SBNO2: variants seen among roughly 807,000 people sequenced by gnomAD.
SBNO2 encodes protein strawberry notch homolog 2.
Under a neutral mutation model 146.3 loss-of-function variants are expected in SBNO2, and 89 were observed. The ratio of observed to expected loss-of-function variants is 0.61; its 90% CI spans 0.51 to 0.73. SBNO2 has a LOEUF of 0.73. Among genes scored for constraint, SBNO2 ranks in the 30% least tolerant of loss-of-function variants. The pLI is 0.00. For synonymous variants in SBNO2, 1,147 were observed against 892.6 expected, an observed-to-expected ratio of 1.29 and a Z score of -5.08; for missense variants, 2,092 against 2,003.7, an observed-to-expected ratio of 1.04 and a Z score of -0.84.
At position 1,126,473 on chromosome 19, in the gene SBNO2, T is replaced by A. The variant is rs2079966831; in HGVS notation, c.441+1131A>T. Among the ~76,000 whole-genome samples the A allele has an allele frequency of 6.6e-6, 1 of 152,048 alleles. No homozygotes were observed. Among genetic ancestry groups the A allele is most frequent in the Non-Finnish European group, 1.5e-5 (1 of 67,996 alleles). ...AGCTGGGAGGGCACGGGCCCCGGGC[T>A]GGGTGAAATGCTCTGCTGGGCCCTT... On this transcript the variant is annotated intron_variant, in intron 5 of 31. Transcript: ENST00000361757. The surrounding 1 kb of genome is among the most constrained non-coding windows in gnomAD (Gnocchi z 4.4).
chr19:1,128,065 T>A (rs1684182805), intron 4 of SBNO2: 1 of 526,550 alleles, frequency 1.9e-6, no homozygotes. Flanking sequence ...ATCTGCCTGC[T>A]TCGGCATCCA....
At chr19:1,159,723 C>T (rs1218833183) in intron 1 of SBNO2, among the ~76,000 whole-genome samples, 1 of 92,596 alleles carries the variant, frequency 1.1e-5, no homozygotes, top group Non-Finnish European at 2.1e-5. Context: ...GGGGGGACAG[C>T]AAGGGACGGG....
intron 3 of SBNO2, among the ~76,000 whole-genome samples, chr19:1,147,910 G>A (rs2080209431): frequency 6.6e-6 from 1 of 152,136 alleles, no homozygotes; most frequent in South Asian, 2.1e-4. Flanking sequence ...CCCTGAGGAT[G>A]GCAAAGGACA....
Position 1,158,487 on chromosome 19 carries a change from C to T in SBNO2, c.-126-4085G>A, listed in dbSNP as rs2080313329. On this transcript the variant is annotated intron_variant, in intron 1 of 31. Coordinates refer to ENST00000361757, the MANE Select transcript of SBNO2 (RefSeq NM_014963.3). The surrounding 1 kb of genome is among the most constrained non-coding windows in gnomAD (Gnocchi z 9.9). ...AAGACACTGGCCGCAGAGCCATAACCGAGACCACGGGAGGACCCAGGGCGC... is the reference window on the plus strand; with the variant it reads ...AAGACACTGGCCGCAGAGCCATAACTGAGACCACGGGAGGACCCAGGGCGC... Among the ~76,000 whole-genome samples, 3 of 152,178 alleles carry T rather than the reference C, an allele frequency of 2.0e-5. No homozygotes were observed. The highest frequency in any genetic ancestry group is 2.1e-4 in the South Asian group (1 of 4,832).
chr19:1,112,615 G>T lies in SBNO2; in HGVS notation c.2380-78C>A. On this transcript the variant is annotated intron_variant, in intron 20 of 31. Transcript: ENST00000361757. This position sits in a 1 kb window ranked among gnomAD's most constrained non-coding sequence, Gnocchi z 5.9. ...TTGCCGCCACCTCCTCACCCACTAG[G>T]CCCCCGCTCCAGGTCACCAGGACGT... The T allele has an allele frequency of 6.7e-7, 1 of 1,483,596 alleles. No homozygotes were observed. Among genetic ancestry groups the T allele is most frequent in the East Asian group, 2.5e-5 (1 of 40,672 alleles). 91.9% of individuals were successfully genotyped at this position (1,483,596 alleles called of 1,614,324 possible).
intron 4 of SBNO2, among the ~76,000 whole-genome samples, chr19:1,135,574 G>A (rs578168444): frequency 2.0e-5 from 3 of 152,316 alleles, no homozygotes; most frequent in South Asian, 2.1e-4. Context: ...CACCTCCGGC[G>A]CCCCGCGCCC....
chr19:1,109,244 G>C lies in SBNO2; in HGVS notation c.3349-33C>G. 6.4e-7 allele frequency: 1 copy of C among 1,573,420 alleles called. No individual in the cohort carries two copies. Among genetic ancestry groups the C allele is most frequent in the Non-Finnish European group, 8.6e-7 (1 of 1,160,218 alleles). On this transcript the variant is annotated intron_variant, in intron 29 of 31. Coordinates refer to ENST00000361757, the MANE Select transcript of SBNO2 (RefSeq NM_014963.3). This position sits in a 1 kb window ranked among gnomAD's most constrained non-coding sequence, Gnocchi z 4.2. Reference sequence around the variant, plus strand: ...CACAGGGCCGCATGAGCCTGGGCGGGGTCAGGGCCGGCAACCCGAGCGAAA... The same window carrying C: ...CACAGGGCCGCATGAGCCTGGGCGGCGTCAGGGCCGGCAACCCGAGCGAAA...
chr19:1,165,575 C>T (rs1281556888), intron 1 of SBNO2, among the ~76,000 whole-genome samples: 1 of 152,002 alleles, frequency 6.6e-6, no homozygotes, highest in Non-Finnish European at 1.5e-5. Context: ...TCTGGGGAAC[C>T]AGACCCCAGA....
At chr19:1,174,025 TC>T (rs2080507098) in intron 1 of SBNO2, 146 bp downstream of exon 1, 1 of 145,456 alleles carries the variant, frequency 6.9e-6, no homozygotes, top group African/African-American at 2.6e-5. Flanking sequence ...AGGGCGGGGG[TC>T]CCGCCGCGCT....
In SBNO2 at chr19:1,109,117, TC is replaced by T; in HGVS notation, c.3425+17del. On this transcript the variant is annotated intron_variant, in intron 30 of 31. Coordinates refer to ENST00000361757, the MANE Select transcript of SBNO2 (RefSeq NM_014963.3). This position sits in a 1 kb window ranked among gnomAD's most constrained non-coding sequence, Gnocchi z 4.2. ...CCGCCATCTGCCGGTTTCCCCCTGG[TC>T]CCCGGCCCGCCCTCACCAGGCGCTG... 1 of 1,548,424 alleles carries T rather than the reference TC, an allele frequency of 6.5e-7. No homozygotes were observed. The highest frequency in any genetic ancestry group is 8.7e-7 in the Non-Finnish European group (1 of 1,146,274).
rs2145297350 is a variant in SBNO2 at position 1,147,200 on chromosome 19, G to A, written c.279+109C>T. 7 of 715,546 alleles carry A rather than the reference G, an allele frequency of 9.8e-6. No individual in the cohort carries two copies. The South Asian group carries it at 1.1e-4, about 11-fold the overall frequency. 44.3% of individuals were successfully genotyped at this position (715,546 alleles called of 1,614,324 possible). On this transcript the variant is annotated intron_variant, in intron 4 of 31. Coordinates refer to ENST00000361757, the MANE Select transcript of SBNO2 (RefSeq NM_014963.3). ...CCTGCGGCCGAGGGGCCAAGCCGAGGTCACTGAGTCCCAGGCAGGCCTGAG... is the reference window on the plus strand; with the variant it reads ...CCTGCGGCCGAGGGGCCAAGCCGAGATCACTGAGTCCCAGGCAGGCCTGAG...
In SBNO2 at chr19:1,150,473, G is replaced by A. The variant is rs945618072; in HGVS notation, c.94-1031C>T. Among the ~76,000 whole-genome samples, 5 of 151,130 alleles carry A rather than the reference G, an allele frequency of 3.3e-5. No homozygotes were observed. Among genetic ancestry groups the A allele is most frequent in the Admixed American group, 2.0e-4 (3 of 15,206 alleles). On this transcript the variant is annotated intron_variant, in intron 2 of 31. Transcript: ENST00000361757. The surrounding 1 kb of genome is among the most constrained non-coding windows in gnomAD (Gnocchi z 6.2). ...CCACAGTCACGGGGGAGACCCTGCC[G>A]TCACGGATGCCCCCACGGTCACGGG...
Position 1,112,888 on chromosome 19 carries a change from C to G in SBNO2, c.2309G>C (p.Arg770Pro). The change falls in exon 20 of 32, where the codon CGG becomes CCG. Residue 770 changes from arginine to proline, a missense_variant. Arg to Pro is a moderately radical substitution (Grantham distance 103). Transcript: ENST00000361757. This position sits in a 1 kb window ranked among gnomAD's most constrained non-coding sequence, Gnocchi z 5.9. ...RPDGTVAFES[R>P]AEQGLSIDHV... ...GTCGATGGACAGACCCTGCTCTGCC[C>G]GCGACTCGAAGGCCACCGTCCCGTC... is the stretch of plus-strand genomic sequence containing the variant. The G allele has an allele frequency of 1.3e-6, 2 of 1,572,524 alleles. No individual in the cohort carries two copies. Among genetic ancestry groups the G allele is most frequent in the Non-Finnish European group, 8.6e-7 (1 of 1,160,544 alleles).
chr19:1,136,103 C>T lies in SBNO2; in HGVS notation c.280-8338G>A, dbSNP rs986533821. On this transcript the variant is annotated intron_variant, in intron 4 of 31. Coordinates refer to ENST00000361757, the MANE Select transcript of SBNO2 (RefSeq NM_014963.3). The surrounding 1 kb of genome is among the most constrained non-coding windows in gnomAD (Gnocchi z 4.2). ...GGAGACACAGTCCCGGGGAGGAGGC[C>T]ACGGGACACAGAAGCAGAGATCCCA... 6.6e-6 allele frequency among the ~76,000 whole-genome samples: 1 copy of T among 152,124 alleles called. No individual in the cohort carries two copies. Among genetic ancestry groups the T allele is most frequent in the Non-Finnish European group, 1.5e-5 (1 of 68,006 alleles).
chr19:1,169,555 A>G (rs1361191135), intron 1 of SBNO2, among the ~76,000 whole-genome samples: 1 of 152,200 alleles, frequency 6.6e-6, no homozygotes, highest in Non-Finnish European at 1.5e-5. Flanking sequence ...TGAGTGGTTC[A>G]GGGGCAGAGC....
At chr19:1,118,706 C>T (rs2079861877) in intron 14 of SBNO2, among the ~76,000 whole-genome samples, 1 of 152,114 alleles carries the variant, frequency 6.6e-6, no homozygotes, top group African/African-American at 2.4e-5. Flanking sequence ...CCGTTCTCTA[C>T]CAAAAAATAC....
At chr19:1,118,876 AC>A in intron 14 of SBNO2, 134 bp downstream of exon 14, 2 of 893,618 alleles carry the variant, frequency 2.2e-6, no homozygotes, top group Non-Finnish European at 3.3e-6. Flanking sequence ...TCTCAAAAAA[AC>A]AACAAAAAAA....
intron 4 of SBNO2, among the ~76,000 whole-genome samples, chr19:1,145,835 C>T (rs894046436): frequency 9.9e-5 from 15 of 152,144 alleles, no homozygotes; most frequent in African/African-American, 3.4e-4. Flanking sequence ...GTGCGCACCT[C>T]GCTGACCTCA....
At position 1,112,081 on chromosome 19, in the gene SBNO2, G is replaced by A. The variant is rs377550970; in HGVS notation, c.2629-14C>T. 6.9e-5 allele frequency: 111 copies of A among 1,612,202 alleles called. No individual in the cohort carries two copies. The African/African-American group carries it at 1.3e-3, about 19-fold the overall frequency. The stretch of plus-strand genomic sequence containing the variant: ...GGTCAGGGCCCCCTGCCAGGGGTGG[G>A]GAGGCCATCAGTTGGTCACCTGGGG... On this transcript the variant is annotated splice_polypyrimidine_tract_variant and intron_variant, in intron 22 of 31. Transcript: ENST00000361757. This position sits in a 1 kb window ranked among gnomAD's most constrained non-coding sequence, Gnocchi z 5.9.
Sources: gnomAD v4.1 joint callset for allele counts (sites outside exome capture counted in the v4.1 genomes callset) on GRCh38, gnomAD v4.1.1 for gene constraint, Gnocchi (gnomAD v3.1) non-coding constraint, MANE v1.5 for transcripts, NCBI Gene and HGNC (gene_info 2026-07-23, HGNC 2026-07-21) for gene names.